The following ZNF732 variants were observed in gnomAD, a reference collection of about 807,000 sequenced individuals.
ZNF732 encodes zinc finger protein 732, also known as zinc finger protein LOC654254.
Under a neutral mutation model 11.5 loss-of-function variants are expected in ZNF732, and 12 were observed. The observed-to-expected ratio is 1.05, with a 90% CI of 0.67 to 1.70. ZNF732 has a LOEUF of 1.70. Ranked by LOEUF, ZNF732 falls within the 40% of genes most tolerant of loss-of-function variation. The probability of loss-of-function intolerance (pLI) is 0.00; values close to 1 mark genes in which losing one functional copy is unlikely to be tolerated. For missense variants in ZNF732, 702 were observed against 676.9 expected (o/e 1.04, Z -0.41); for synonymous variants, 231 against 236.5 (o/e 0.98, Z 0.21).
At chr4:296,617 A>G (rs1553842323) in intron 1 of ZNF732, among the ~76,000 whole-genome samples, 1 of 152,174 alleles carries the variant, frequency 6.6e-6, no homozygotes, top group Non-Finnish European at 1.5e-5. Flanking sequence ...CTGGGCTGAG[A>G]GTCACTTAGC....
chr4:295,559 C>G lies in ZNF732; in HGVS notation c.131-26G>C, dbSNP rs782722865. 1.0e-4 allele frequency: 163 copies of G among 1,565,452 alleles called. 1 individual carries two copies. The highest frequency in any genetic ancestry group is 1.4e-4 in the Non-Finnish European group (155 of 1,144,958). On this transcript the variant is annotated intron_variant, in intron 2 of 3. Transcript: ENST00000419098. ...CTGTTTATTTTAAAAAATTAACATGCTACTGTTAGGGATTCTCCAATTACC... is the reference window on the plus strand; with the variant it reads ...CTGTTTATTTTAAAAAATTAACATGGTACTGTTAGGGATTCTCCAATTACC...
chr4:286,737 G>T lies in ZNF732; in HGVS notation c.226+8701C>A, dbSNP rs567795804. ...TAGGATGGGGTATATGTGCAAGTTT[G>T]TTATACAGGTAAACTTGTGTCATAA... On this transcript the variant is annotated intron_variant, in intron 3 of 3. Coordinates refer to ENST00000419098, the MANE Select transcript of ZNF732 (RefSeq NM_001137608.3). 2.6e-3 allele frequency among the ~76,000 whole-genome samples: 398 copies of T among 152,298 alleles called. 1 individual carries two copies. Among genetic ancestry groups the T allele is most frequent in the Middle Eastern group, 6.8e-3 (2 of 294 alleles).
Position 299,025 on chromosome 4 carries a change from C to T in ZNF732, c.4-2870G>A, listed in dbSNP as rs377037805. Among the ~76,000 whole-genome samples the T allele has an allele frequency of 1.7e-4, 26 of 152,210 alleles. No homozygotes were observed. In the South Asian group the frequency reaches 5.2e-3, roughly 30 times the overall value. ...CCTCTCATGATGTAGAAAATGTCTT[C>T]TATGAGTTTTCTGTTATGTCTTCAG... On this transcript the variant is annotated intron_variant, in intron 1 of 3. Coordinates refer to ENST00000419098, the MANE Select transcript of ZNF732 (RefSeq NM_001137608.3).
chr4:286,444 C>T (rs567108082), intron 3 of ZNF732, among the ~76,000 whole-genome samples: 1 of 152,284 alleles, frequency 6.6e-6, no homozygotes, highest in South Asian at 2.1e-4. Context: ...TTTGAATATA[C>T]AAATAAATAT....
chr4:303,112 C>T (rs1553843831), intron 1 of ZNF732, among the ~76,000 whole-genome samples: 1 of 152,192 alleles, frequency 6.6e-6, no homozygotes, highest in Non-Finnish European at 1.5e-5. Context: ...AAAAGCCCCG[C>T]GTCTATCACC....
At chr4:294,825 G>A (rs1180783387) in intron 3 of ZNF732, among the ~76,000 whole-genome samples, 1 of 152,136 alleles carries the variant, frequency 6.6e-6, no homozygotes, top group Non-Finnish European at 1.5e-5. Flanking sequence ...TTCACATACA[G>A]AGTTTAAATC....
chr4:275,191 C>A (rs1553838478), intron 3 of ZNF732, among the ~76,000 whole-genome samples: 1 of 151,460 alleles, frequency 6.6e-6, no homozygotes, highest in East Asian at 1.9e-4. Flanking sequence ...TGAAATTTTA[C>A]AGATTACTTT....
At chr4:274,915 A>G (rs569312497) in intron 3 of ZNF732, among the ~76,000 whole-genome samples, 158 of 151,860 alleles carry the variant, frequency 1.0e-3, no homozygotes, top group African/African-American at 3.7e-3. Flanking sequence ...TACAAAGCCA[A>G]TACTCACAGA....
intron 2 of ZNF732, 145 bp from the exon 3 acceptor site, chr4:295,678 T>A (rs1257968841): frequency 2.6e-6 from 2 of 765,998 alleles, no homozygotes; most frequent in Non-Finnish European, 4.0e-6. Flanking sequence ...TTAAAATATT[T>A]AAGTATTTTA....
At chr4:294,263 G>C (rs1244682026) in intron 3 of ZNF732, among the ~76,000 whole-genome samples, 1 of 152,208 alleles carries the variant, frequency 6.6e-6, no homozygotes, top group Non-Finnish European at 1.5e-5. Context: ...GCCTCCCAAA[G>C]TGCTGGGATT....
intron 3 of ZNF732, among the ~76,000 whole-genome samples, chr4:289,056 C>T (rs1553841013): frequency 6.6e-6 from 1 of 152,150 alleles, no homozygotes; most frequent in Non-Finnish European, 1.5e-5. Flanking sequence ...CTCAGGAGGC[C>T]CCAAAAAGCT....
intron 1 of ZNF732, among the ~76,000 whole-genome samples, chr4:299,413 A>ACACATATGTG: frequency 5.8e-5 from 5 of 86,382 alleles, no homozygotes; most frequent in Non-Finnish European, 1.2e-4. Context: ...GTATATATAT[A>ACACATATGTG]TACACATATA....
intron 1 of ZNF732, among the ~76,000 whole-genome samples, chr4:303,487 C>G (rs1300391493): frequency 6.6e-6 from 1 of 152,164 alleles, no homozygotes; most frequent in Admixed American, 6.5e-5. Flanking sequence ...CGTGGTGGCA[C>G]AGGCCTGTAA....
intron 3 of ZNF732, among the ~76,000 whole-genome samples, chr4:283,396 A>T (rs1377181759): frequency 4.6e-5 from 7 of 152,190 alleles, no homozygotes; most frequent in African/African-American, 1.4e-4. Context: ...ATTTAAGGAA[A>T]TACATAGGTT....
At chr4:300,167 T>G (rs887530844) in intron 1 of ZNF732, among the ~76,000 whole-genome samples, 1 of 151,200 alleles carries the variant, frequency 6.6e-6, no homozygotes, top group African/African-American at 2.4e-5. Context: ...TTAGGTTAAT[T>G]TATAGCCATT....
chr4:284,061 C>T (rs1418594810), intron 3 of ZNF732, among the ~76,000 whole-genome samples: 4 of 152,058 alleles, frequency 2.6e-5, no homozygotes, highest in Admixed American at 6.6e-5. Flanking sequence ...CAGGCACCCG[C>T]CACCACGCCC....
At position 271,796 on chromosome 4, in the gene ZNF732, C is replaced by A. The variant is rs1553837589; in HGVS notation, c.1061G>T (p.Arg354Ile). The A allele has an allele frequency of 4.4e-5, 71 of 1,612,012 alleles. No individual in the cohort carries two copies. The East Asian group carries it at 1.5e-3, about 35-fold the overall frequency. Residue 354 changes from arginine (R) to isoleucine (I), a missense_variant, in exon 4 of 4, where the codon AGA (arginine) becomes ATA (isoleucine). Around this residue, in one of 3 missense-constraint regions of ZNF732, gnomAD observed 596 missense variants for 557.9 expected, o/e 1.07. Coordinates refer to ENST00000419098, the MANE Select transcript of ZNF732 (RefSeq NM_001137608.3). ...SRSSVLNEHK[R>I]IHTGEKPYKC... ...GTAGGGCTTCTCTCCAGTATGAATTCTCTTATGTTCATTCAGAACTGAGGA... is the reference window on the plus strand; with the variant it reads ...GTAGGGCTTCTCTCCAGTATGAATTATCTTATGTTCATTCAGAACTGAGGA...
At chr4:299,473 A>ATG (rs1581549138) in intron 1 of ZNF732, among the ~76,000 whole-genome samples, 2 of 101,072 alleles carry the variant, frequency 2.0e-5, no homozygotes, top group East Asian at 6.5e-4. Context: ...ATATATATAT[A>ATG]CACATATATA....
At chr4:305,229 A>G in intron 1 of ZNF732, 79 bp downstream of exon 1, 1 of 1,545,970 alleles carries the variant, frequency 6.5e-7, no homozygotes, top group Non-Finnish European at 8.7e-7. Context: ...CCGTTCGCAG[A>G]CTCCGTCCCG....
Sources: gnomAD v4.1 joint callset for allele counts (sites outside exome capture counted in the v4.1 genomes callset) on GRCh38, gnomAD v4.1.1 for gene constraint, gnomAD v4.1.1 regional missense constraint, MANE v1.5 for transcripts, NCBI Gene and HGNC (gene_info 2026-07-23, HGNC 2026-07-21) for gene names.